GHDC: variants seen among roughly 807,000 people sequenced by gnomAD.
GHDC encodes the protein GH3 domain-containing protein.
A neutral mutation model predicts 51.5 loss-of-function variants in GHDC; 39 were observed. That is an observed-to-expected ratio of 0.76 (90% CI 0.59 to 0.99). The LOEUF is 0.99. Among genes scored for constraint, GHDC ranks in the 50% least tolerant of loss-of-function variants. GHDC has a pLI of 0.00. For missense variants in GHDC, 610 were observed against 672.8 expected (o/e 0.91, Z 1.03); for synonymous variants, 282 against 305.2 (o/e 0.92, Z 0.79).
Position 42,193,768 on chromosome 17 carries a change from T to C in GHDC, c.-15A>G, listed in dbSNP as rs1302350524. Reference sequence around the variant, plus strand: ...TCAAAGCTTTGGAGTCCCACTGACCTGAGTGCAGATCCTGCCTCTGCCGCT... The same window carrying C: ...TCAAAGCTTTGGAGTCCCACTGACCCGAGTGCAGATCCTGCCTCTGCCGCT... On this transcript the variant is annotated splice_region_variant and 5_prime_UTR_variant, in exon 2 of 10. Coordinates refer to ENST00000587427, the MANE Select transcript of GHDC (RefSeq NM_032484.5). 3 of 773,710 alleles carry C rather than the reference T, an allele frequency of 3.9e-6. No homozygotes were observed. Among genetic ancestry groups the C allele is most frequent in the Non-Finnish European group, 6.0e-6 (3 of 498,238 alleles). 47.9% of individuals were successfully genotyped at this position (773,710 alleles called of 1,614,324 possible).
At chr17:42,193,228 A>G in intron 3 of GHDC, 89 bp downstream of exon 3, 1 of 1,515,016 alleles carries the variant, frequency 6.6e-7, no homozygotes, top group East Asian at 2.4e-5. Flanking sequence ...GCAGTGGAGG[A>G]GGTAAGGGGG....
chr17:42,190,753 C>T lies in GHDC; in HGVS notation c.1159G>A (p.Asp387Asn), dbSNP rs2079962137. Reference protein sequence around the residue: ...CPVVRFICRLDQTLSVRGEDI... With the variant: ...CPVVRFICRLNQTLSVRGEDI... ...TCCCCTCGCACACTCAGGGTCTGGT[C>T]CAGCCTGAAGAGGAGGAAGGGAGAG... The change falls in exon 8 of 10, where the codon GAC becomes AAC. Residue 387 changes from aspartate to asparagine, a missense_variant. Physicochemically the swap from Asp to Asn is conservative, Grantham distance 23. Transcript: ENST00000587427. 6.2e-7 allele frequency: 1 copy of T among 1,614,116 alleles called. No individual in the cohort carries two copies. The highest frequency in any genetic ancestry group is 8.5e-7 in the Non-Finnish European group (1 of 1,180,022).
At chr17:42,190,539 T>C (rs1489143094) in intron 8 of GHDC, 85 bp downstream of exon 8, 6 of 1,494,066 alleles carry the variant, frequency 4.0e-6, no homozygotes, top group Non-Finnish European at 5.4e-6. Flanking sequence ...GAGGCTTATC[T>C]CTTTCCTAGC....
Position 42,189,639 on chromosome 17 carries a change from G to A in GHDC, c.*64C>T. The A allele has an allele frequency of 2.5e-6, 2 of 787,448 alleles. No individual in the cohort carries two copies. The highest frequency in any genetic ancestry group is 1.9e-6 in the Non-Finnish European group (1 of 530,204). 48.8% of individuals were successfully genotyped at this position (787,448 alleles called of 1,614,324 possible). A position where few individuals can be genotyped will look rare whatever the true frequency, so the allele number is the denominator to read the frequency against. The stretch of plus-strand genomic sequence containing the variant: ...CCTGGCCAAGGACTCCCCATCCGGA[G>A]AGGTCCCAGAGGGAGGGGCGAGGTG... On this transcript the variant is annotated 3_prime_UTR_variant, in exon 10 of 10. Transcript: ENST00000587427.
intron 1 of GHDC, 23 bp downstream of exon 1, chr17:42,194,370 G>GT (rs1485955417): frequency 6.6e-6 from 1 of 152,394 alleles, no homozygotes; most frequent in African/African-American, 2.4e-5. Flanking sequence ...GCCCCAGGCT[G>GT]TGGGGTCCAT....
At position 42,192,940 on chromosome 17, in the gene GHDC, G is replaced by T. The variant is rs202045196; in HGVS notation, c.353C>A (p.Thr118Asn). The T allele has an allele frequency of 6.8e-6, 11 of 1,614,122 alleles. No individual in the cohort carries two copies. The highest frequency in any genetic ancestry group is 9.3e-6 in the Non-Finnish European group (11 of 1,180,016). The change falls in exon 4 of 10, where the codon ACC (threonine) becomes AAC (asparagine). Residue 118 changes from threonine to asparagine, a missense_variant. By Grantham distance (65) the Thr-to-Asn change is moderately conservative. This residue lies in a region of GHDC where 198 missense variants were observed against 262.3 expected (regional missense o/e 0.75). Coordinates refer to ENST00000587427, the MANE Select transcript of GHDC (RefSeq NM_032484.5). Reference sequence around the variant, plus strand: ...GGCCTCCCCAAGGTCCTGGTTTGAGGTCGGGGGCAGTGGCTGCTCTCCACT... The same window carrying T: ...GGCCTCCCCAAGGTCCTGGTTTGAGTTCGGGGGCAGTGGCTGCTCTCCACT... Reference protein sequence around the residue: ...EDSGEQPLPPTSNQDLGEASL... With the variant: ...EDSGEQPLPPNSNQDLGEASL...
intron 9 of GHDC, 123 bp downstream of exon 9, chr17:42,190,062 A>G: frequency 7.2e-7 from 1 of 1,388,916 alleles, no homozygotes; most frequent in Non-Finnish European, 9.9e-7. Context: ...CTCCCCTCCC[A>G]GAGCCCCAGG....
chr17:42,193,287 G>A, intron 3 of GHDC, 30 bp downstream of exon 3: 4 of 1,551,916 alleles, frequency 2.6e-6, no homozygotes, highest in Non-Finnish European at 3.5e-6. Context: ...TTTCTCTTTG[G>A]GTCACCTCCC....
rs996514659 is a variant in GHDC, at chr17:42,192,480, C to T, written c.650G>A (p.Gly217Asp). ...AGCTATCGCCCCAGCTAGCTCTTCACCATCAGTCTCCAGGCCCAAGAAAAC... is the reference window on the plus strand; with the variant it reads ...AGCTATCGCCCCAGCTAGCTCTTCATCATCAGTCTCCAGGCCCAAGAAAAC... ...LDVFLGLETD[G>D]EELAGAIAAG... Residue 217 changes from glycine (G) to aspartate (D), a missense_variant, in exon 5 of 10, where the codon GGT becomes GAT. Gly to Asp is a moderately conservative substitution (Grantham distance 94). Around this residue, in one of 2 missense-constraint regions of GHDC, gnomAD observed 412 missense variants for 410.4 expected, o/e 1.00. Transcript: ENST00000587427. 3 of 1,613,732 alleles carry T rather than the reference C, an allele frequency of 1.9e-6. No individual in the cohort carries two copies. The highest frequency in any genetic ancestry group is 2.5e-6 in the Non-Finnish European group (3 of 1,180,040).
chr17:42,190,082 C>A, intron 9 of GHDC, 103 bp downstream of exon 9: 1 of 1,459,624 alleles, frequency 6.9e-7, no homozygotes, highest in South Asian at 1.3e-5. Flanking sequence ...GGAGCTTCTC[C>A]TCCGCCACCC....
intron 3 of GHDC, 109 bp downstream of exon 3, chr17:42,193,208 C>A: frequency 1.3e-6 from 2 of 1,523,612 alleles, no homozygotes; most frequent in South Asian, 1.2e-5. Context: ...TGGGTCAGGC[C>A]ACTCCGTTGG....
chr17:42,191,182 C>CTCTGG lies in GHDC; in HGVS notation c.913_917dup (p.Glu306AspfsTer50). ...GCAGAAGGTAGAGCCCATGGGGCTG[C>CTCTGG]TCTGGCTGTAGGTTTAGGCCCAGCA... On this transcript the variant is annotated frameshift_variant, in exon 6 of 10. Coordinates refer to ENST00000587427, the MANE Select transcript of GHDC (RefSeq NM_032484.5). LOFTEE classifies it high-confidence loss of function. The CTCTGG allele has an allele frequency of 6.5e-7, 1 of 1,538,196 alleles. No individual in the cohort carries two copies. The highest frequency in any genetic ancestry group is 8.7e-7 in the Non-Finnish European group (1 of 1,146,018).
Position 42,192,471 on chromosome 17 carries a change from A to G in GHDC, c.659T>C (p.Leu220Pro). 1 of 1,613,718 alleles carries G rather than the reference A, an allele frequency of 6.2e-7. No homozygotes were observed. Among genetic ancestry groups the G allele is most frequent in the Non-Finnish European group, 8.5e-7 (1 of 1,180,026 alleles). ...FLGLETDGEE[L>P]AGAIAAGNPG... ...GTTCCCGGCAGCTATCGCCCCAGCT[A>G]GCTCTTCACCATCAGTCTCCAGGCC... The change falls in exon 5 of 10, where the codon CTA (leucine) becomes CCA (proline). Residue 220 changes from leucine (L) to proline (P), a missense_variant. Transcript: ENST00000587427.
chr17:42,193,306 G>A lies in GHDC; in HGVS notation c.265+11C>T, dbSNP rs754862594. 8.2e-6 allele frequency: 13 copies of A among 1,585,162 alleles called. No homozygotes were observed. In the Admixed American group the frequency reaches 1.6e-4, roughly 20 times the overall value. ...TCTTTGGGTCACCTCCCCAGACCCT[G>A]GGAAACACACCTGTGCTCCTTCTGA... On this transcript the variant is annotated intron_variant, in intron 3 of 9. Coordinates refer to ENST00000587427, the MANE Select transcript of GHDC (RefSeq NM_032484.5).
At position 42,191,002 on chromosome 17, in the gene GHDC, C is replaced by T. The variant is rs755798904; in HGVS notation, c.1082+16G>A. Reference sequence around the variant, plus strand: ...CCCATAGGGCCCCAGGTAGCAGGGGCTGTGCAGCTGATCACCTGGTGAGGC... The same window carrying T: ...CCCATAGGGCCCCAGGTAGCAGGGGTTGTGCAGCTGATCACCTGGTGAGGC... On this transcript the variant is annotated intron_variant, in intron 6 of 9. Transcript: ENST00000587427. The T allele has an allele frequency of 6.4e-7, 1 of 1,565,618 alleles. No individual in the cohort carries two copies.
chr17:42,194,244 T>A (rs1279416602), intron 1 of GHDC, 149 bp downstream of exon 1: 3 of 151,404 alleles, frequency 2.0e-5, no homozygotes, highest in Non-Finnish European at 4.4e-5. Context: ...ACAGGAAGGG[T>A]TTCGGACAGG....
chr17:42,190,267 G>GA lies in GHDC; in HGVS notation c.1291dup (p.Ser431PhefsTer143). ...GTAGTGGGGAGCAGAGCCCGCAGAG[G>GA]AATCTGTGAATAGACCCCATGTGCA... On this transcript the variant is annotated frameshift_variant, in exon 9 of 10. Coordinates refer to ENST00000587427, the MANE Select transcript of GHDC (RefSeq NM_032484.5). LOFTEE classifies it high-confidence loss of function. 4 of 1,614,162 alleles carry GA rather than the reference G, an allele frequency of 2.5e-6. No individual in the cohort carries two copies. The African/African-American group carries it at 4.0e-5, about 16-fold the overall frequency.
At chr17:42,190,070 A>T in intron 9 of GHDC, 115 bp downstream of exon 9, 1 of 1,406,798 alleles carries the variant, frequency 7.1e-7, no homozygotes, top group Non-Finnish European at 9.7e-7. Flanking sequence ...CCAGAGCCCC[A>T]GGGAGCTTCT....
rs374619710 is a variant in GHDC at position 42,192,651 on chromosome 17, C to A, written c.479G>T (p.Trp160Leu). Reference protein sequence around the residue: ...RTARVTLTSPWPRPLPWPGNT... With the variant: ...RTARVTLTSPLPRPLPWPGNT... The stretch of plus-strand genomic sequence containing the variant: ...CCCAGGCCAAGGCAGGGGTCGGGGC[C>A]AAGGGGATGTAAGCGTCACACGGGC... Residue 160 changes from tryptophan (W) to leucine (L), a missense_variant, in exon 5 of 10, where the codon TGG becomes TTG. This residue lies in a region of GHDC where 198 missense variants were observed against 262.3 expected (regional missense o/e 0.75). Transcript: ENST00000587427. 1.1e-5 allele frequency: 18 copies of A among 1,608,864 alleles called. No homozygotes were observed. The highest frequency in any genetic ancestry group is 4.2e-6 in the Non-Finnish European group (5 of 1,177,354).
Sources: gnomAD v4.1 joint callset for allele counts on GRCh38, gnomAD v4.1.1 for gene constraint, gnomAD v4.1.1 regional missense constraint, MANE v1.5 for transcripts, NCBI Gene and HGNC (gene_info 2026-07-23, HGNC 2026-07-21) for gene names.